DAB1: variants seen among roughly 807,000 people sequenced by gnomAD.
DAB1 encodes the protein disabled homolog 1.
A neutral mutation model predicts 64.6 loss-of-function variants in DAB1; 15 were observed. The observed-to-expected ratio is 0.23, with a 90% confidence interval of 0.16 to 0.36. DAB1 has a LOEUF of 0.36. Ranked by LOEUF, DAB1 falls within the 10% of genes least tolerant of loss-of-function variation. The probability of loss-of-function intolerance (pLI) is 1.00; values close to 1 mark genes in which losing one functional copy is unlikely to be tolerated. For missense variants in DAB1, 596 were observed against 706.7 expected (o/e 0.84, Z 1.78); for synonymous variants, 235 against 251.9 (o/e 0.93, Z 0.64).
chr1:58,470,148 ATTTATTTATT>A (rs1419926923), intron 3 of DAB1, among the ~76,000 whole-genome samples: 2 of 34,208 alleles, frequency 5.8e-5, no homozygotes, highest in Non-Finnish European at 1.3e-4. Context: ...TTATTTATTT[ATTTATTTATT>A]TTTATTTTTA....
rs572714294 is a variant in DAB1, at chr1:57,706,636, C to A, written n.552-56971G>T. Among the ~76,000 whole-genome samples the A allele has an allele frequency of 2.0e-5, 3 of 152,192 alleles. No individual in the cohort carries two copies. The South Asian group carries it at 6.2e-4, about 32-fold the overall frequency. ...AGACTACTCACATGTTTATCAATAT[C>A]TTTTCTCCCCATTTTTCTTTGACCT... is the stretch of plus-strand genomic sequence containing the variant. On this transcript the variant is annotated intron_variant and non_coding_transcript_variant, in intron 6 of 20. Coordinates refer to the DAB1 transcript ENST00000485760.
intron 7 of DAB1, among the ~76,000 whole-genome samples, chr1:57,615,778 A>G (rs1270073011): frequency 6.6e-6 from 1 of 152,226 alleles, no homozygotes; most frequent in African/African-American, 2.4e-5. Flanking sequence ...AAACACAATT[A>G]GCAAGCTTTA....
intron 7 of DAB1, among the ~76,000 whole-genome samples, chr1:57,607,889 A>C (rs1005862549): frequency 5.3e-5 from 8 of 152,194 alleles, no homozygotes; most frequent in African/African-American, 1.9e-4. Context: ...TCAGGAGTGG[A>C]GTAGATTCAG....
At chr1:58,152,095 T>C (rs879204094) in intron 4 of DAB1, among the ~76,000 whole-genome samples, 8 of 152,132 alleles carry the variant, frequency 5.3e-5, no homozygotes, top group Admixed American at 1.3e-4. Context: ...GAAGATCAGA[T>C]ACATCAGGCA....
intron 5 of DAB1, among the ~76,000 whole-genome samples, chr1:57,956,216 A>G (rs1645390197): frequency 6.6e-6 from 1 of 152,190 alleles, no homozygotes; most frequent in Non-Finnish European, 1.5e-5. Flanking sequence ...AAGAGAGAAG[A>G]GCTCAAGGAG....
At chr1:57,053,428 TG>T (rs1486194843) in intron 9 of DAB1, among the ~76,000 whole-genome samples, 9 of 151,802 alleles carry the variant, frequency 5.9e-5, no homozygotes, top group Admixed American at 6.6e-5. Flanking sequence ...TTTTATTTTT[TG>T]TAGAGATGGG....
At chr1:57,703,170 A>C (rs1472988474) in intron 6 of DAB1, among the ~76,000 whole-genome samples, 1 of 152,228 alleles carries the variant, frequency 6.6e-6, no homozygotes, top group Non-Finnish European at 1.5e-5. Context: ...AGTTGCAACA[A>C]AAGTGAAAAT....
intron 5 of DAB1, among the ~76,000 whole-genome samples, chr1:58,125,718 T>C (rs541769524): frequency 1.1e-4 from 17 of 152,288 alleles, no homozygotes; most frequent in African/African-American, 4.1e-4. Flanking sequence ...TGTGTTGGGA[T>C]TACAGGCATA....
intron 6 of DAB1, among the ~76,000 whole-genome samples, chr1:57,776,654 G>A (rs1236990330): frequency 6.6e-6 from 1 of 151,472 alleles, no homozygotes; most frequent in Non-Finnish European, 1.5e-5. Context: ...ATGCTCTGGG[G>A]TTTACAACTT....
intron 4 of DAB1, among the ~76,000 whole-genome samples, chr1:57,097,729 C>T (rs1367955380): frequency 6.6e-6 from 1 of 151,566 alleles, no homozygotes; most frequent in Non-Finnish European, 1.5e-5. Context: ...TGGTTAACTA[C>T]CAGTTGGAAC....
At chr1:57,404,655 C>T (rs994705251) in intron 1 of DAB1, among the ~76,000 whole-genome samples, 1 of 152,046 alleles carries the variant, frequency 6.6e-6, no homozygotes. Flanking sequence ...GAAAAAAATA[C>T]TGAAAGAAAA....
intron 3 of DAB1, chr1:58,481,026 G>C: frequency 1.1e-6 from 1 of 871,488 alleles, no homozygotes; most frequent in South Asian, 1.3e-5. Context: ...TTTTTGAATA[G>C]GAAGAGTATC....
chr1:57,559,333 A>C (rs925068160), intron 7 of DAB1, among the ~76,000 whole-genome samples: 2 of 152,210 alleles, frequency 1.3e-5, no homozygotes, highest in Non-Finnish European at 2.9e-5. Flanking sequence ...GACTTGAGCC[A>C]GTTTATAGAC....
intron 7 of DAB1, among the ~76,000 whole-genome samples, chr1:57,546,104 C>CGT (rs1558480127): frequency 1.4e-5 from 2 of 145,082 alleles, no homozygotes; most frequent in African/African-American, 5.2e-5. Context: ...TGTGTGCGCG[C>CGT]ACGTGTGCAT....
chr1:58,330,193 A>G (rs1326475469), intron 4 of DAB1, among the ~76,000 whole-genome samples: 1 of 152,228 alleles, frequency 6.6e-6, no homozygotes, highest in Non-Finnish European at 1.5e-5. Context: ...TGATATAGAG[A>G]AAGTTTTAGT....
chr1:58,123,595 A>G (rs1283428594), intron 5 of DAB1, among the ~76,000 whole-genome samples: 2 of 152,220 alleles, frequency 1.3e-5, no homozygotes, highest in Admixed American at 6.5e-5. Flanking sequence ...TAGAACATAT[A>G]GTTCCCCTTT....
intron 5 of DAB1, among the ~76,000 whole-genome samples, chr1:57,958,825 C>T (rs1442853441): frequency 6.6e-6 from 1 of 152,158 alleles, no homozygotes. Context: ...ATGCTTTTCT[C>T]TCTGTGTCCA....
intron 4 of DAB1, among the ~76,000 whole-genome samples, chr1:58,336,789 A>G (rs1221492004): frequency 6.6e-6 from 1 of 152,178 alleles, no homozygotes; most frequent in African/African-American, 2.4e-5. Context: ...TTGATGCATT[A>G]GCTCATTGGC....
intron 3 of DAB1, among the ~76,000 whole-genome samples, chr1:58,498,034 T>C (rs1272891832): frequency 2.0e-5 from 3 of 152,066 alleles, no homozygotes; most frequent in African/African-American, 7.2e-5. Context: ...GAAAATTATT[T>C]TCTCCTCCCC....
Sources: gnomAD v4.1 joint callset for allele counts (sites outside exome capture counted in the v4.1 genomes callset) on GRCh38, gnomAD v4.1.1 for gene constraint, MANE v1.5 for transcripts, NCBI Gene and HGNC (gene_info 2026-07-23, HGNC 2026-07-21) for gene names.